MGAT4C: variants seen among roughly 807,000 people sequenced by gnomAD.
The protein encoded by MGAT4C is MGAT4 family member C, also known as alpha-1,3-mannosyl-glycoprotein 4-beta-N-acetylglucosaminyltransferase C.
A neutral mutation model predicts 40.1 loss-of-function variants in MGAT4C; 19 were observed. The observed-to-expected ratio is 0.47, with a 90% CI of 0.33 to 0.70. MGAT4C has a LOEUF of 0.70. MGAT4C is among the 30% of genes least tolerant of loss of function. The pLI, the probability that MGAT4C is intolerant of heterozygous loss-of-function variation, is 0.02. For missense variants in MGAT4C, 491 were observed against 563.2 expected, an observed-to-expected ratio of 0.87 and a Z score of 1.30; for synonymous variants, 181 against 187.1, an observed-to-expected ratio of 0.97 and a Z score of 0.27.
intron 1 of MGAT4C, among the ~76,000 whole-genome samples, chr12:86,079,874 CA>C (rs2135539534): frequency 6.6e-6 from 1 of 152,178 alleles, no homozygotes; most frequent in East Asian, 1.9e-4. Context: ...AGCAAATTTA[CA>C]GCTCTTAACT....
chr12:86,465,215 C>T (rs1957662420), intron 2 of MGAT4C, among the ~76,000 whole-genome samples: 1 of 151,960 alleles, frequency 6.6e-6, no homozygotes, highest in Admixed American at 6.6e-5. Flanking sequence ...ATACCCTTCA[C>T]AAAATTAATA....
intron 2 of MGAT4C, among the ~76,000 whole-genome samples, chr12:86,625,584 G>T (rs1444126337): frequency 6.6e-6 from 1 of 152,010 alleles, no homozygotes; most frequent in African/African-American, 2.4e-5. Flanking sequence ...ATAAGAAAAT[G>T]AATAAAGAGA....
At chr12:86,044,234 G>T (rs1203008946) in intron 2 of MGAT4C, among the ~76,000 whole-genome samples, 1 of 152,202 alleles carries the variant, frequency 6.6e-6, no homozygotes, top group Non-Finnish European at 1.5e-5. Flanking sequence ...TCAAGGTTAG[G>T]AATCTGTGGT....
At chr12:86,383,937 T>A (rs1167009752) in intron 3 of MGAT4C, among the ~76,000 whole-genome samples, 2 of 152,152 alleles carry the variant, frequency 1.3e-5, no homozygotes, top group African/African-American at 4.8e-5. Context: ...TATCTTGAAT[T>A]CCCATGTGTT....
chr12:86,720,795 C>T (rs915458085), intron 2 of MGAT4C, among the ~76,000 whole-genome samples: 46 of 152,134 alleles, frequency 3.0e-4, no homozygotes, highest in Admixed American at 2.0e-3. Flanking sequence ...TGGATTTAGT[C>T]ATTATAAAGT....
chr12:86,309,032 T>C (rs918570341), intron 4 of MGAT4C, among the ~76,000 whole-genome samples: 1 of 150,544 alleles, frequency 6.6e-6, no homozygotes, highest in Non-Finnish European at 1.5e-5. Context: ...TTAATACCCA[T>C]TCTGCTTCCA....
intron 2 of MGAT4C, among the ~76,000 whole-genome samples, chr12:86,699,368 A>G (rs916407114): frequency 6.6e-6 from 1 of 152,214 alleles, no homozygotes; most frequent in Admixed American, 6.5e-5. Flanking sequence ...AGAAGAAAAA[A>G]TATACGTATT....
At chr12:86,011,389 G>A (rs1888449826) in intron 2 of MGAT4C, among the ~76,000 whole-genome samples, 1 of 152,134 alleles carries the variant, frequency 6.6e-6, no homozygotes. Context: ...CAAAGACAGA[G>A]AATATAAAAA....
intron 1 of MGAT4C, among the ~76,000 whole-genome samples, chr12:86,743,142 G>GTGTC (rs1555224682): frequency 2.7e-5 from 4 of 150,830 alleles, no homozygotes; most frequent in Non-Finnish European, 5.9e-5. Context: ...GTGTGTGTGT[G>GTGTC]TGTGTATAGA....
chr12:86,123,617 T>C (rs1220299527), intron 1 of MGAT4C, among the ~76,000 whole-genome samples: 1 of 152,110 alleles, frequency 6.6e-6, no homozygotes, highest in African/African-American at 2.4e-5. Flanking sequence ...TTTTAAGACA[T>C]TTCATGAATT....
At chr12:86,369,916 T>C (rs1427712099) in intron 3 of MGAT4C, among the ~76,000 whole-genome samples, 3 of 152,016 alleles carry the variant, frequency 2.0e-5, no homozygotes, top group Admixed American at 2.0e-4. Context: ...GCTGACTAGA[T>C]TGTGATTAGG....
chr12:86,365,784 C>G lies in MGAT4C; in HGVS notation c.-119-31657G>C, dbSNP rs12304286. 8.1e-3 allele frequency among the ~76,000 whole-genome samples: 1,224 copies of G among 151,824 alleles called. 23 individuals are homozygous for G. The highest frequency in any genetic ancestry group is 0.028 in the African/African-American group (1,174 of 41,402). On this transcript the variant is annotated intron_variant, in intron 3 of 7. Transcript: ENST00000548651. Reference sequence around the variant, plus strand: ...ATTGGTCTTGTTTCTGTTTTTGCACCAGTACCACACTGTTTTGGTTACTGT... The same window carrying G: ...ATTGGTCTTGTTTCTGTTTTTGCACGAGTACCACACTGTTTTGGTTACTGT...
intron 1 of MGAT4C, among the ~76,000 whole-genome samples, chr12:86,196,627 G>A (rs1949817743): frequency 6.6e-6 from 1 of 152,198 alleles, no homozygotes; most frequent in South Asian, 2.1e-4. Flanking sequence ...GTTCTGCAGA[G>A]TCCCAGAAGT....
In MGAT4C at chr12:85,970,608, G is replaced by A. The variant is rs536268564; in HGVS notation, c.*8681C>T. On this transcript the variant is annotated 3_prime_UTR_variant, in exon 5 of 5. Transcript: ENST00000611864. ...CATTTCAATAAATTATTTGTCCTGA[G>A]CATACTGTAAGAAATTTAGTAAAGT... is the stretch of plus-strand genomic sequence containing the variant. The A allele has an allele frequency of 2.7e-4, 41 of 151,220 alleles. No individual in the cohort carries two copies. Among genetic ancestry groups the A allele is most frequent in the Non-Finnish European group, 5.2e-4 (35 of 67,386 alleles). 9.4% of individuals were successfully genotyped at this position (151,220 alleles called of 1,614,324 possible).
At chr12:86,449,650 A>G (rs1957391913) in intron 2 of MGAT4C, among the ~76,000 whole-genome samples, 1 of 152,150 alleles carries the variant, frequency 6.6e-6, no homozygotes, top group African/African-American at 2.4e-5. Context: ...CTGTTTTTGA[A>G]ATTTTTATAG....
intron 1 of MGAT4C, among the ~76,000 whole-genome samples, chr12:86,084,839 A>G (rs1352760836): frequency 6.6e-6 from 1 of 152,012 alleles, no homozygotes; most frequent in Non-Finnish European, 1.5e-5. Flanking sequence ...GTTTGGAATG[A>G]AAAGTTAGTA....
At chr12:86,396,006 G>A (rs1009565134) in intron 3 of MGAT4C, among the ~76,000 whole-genome samples, 17 of 152,058 alleles carry the variant, frequency 1.1e-4, no homozygotes, top group Admixed American at 6.6e-4. Context: ...CGATTTAAAT[G>A]TGCAGTAAAT....
intron 3 of MGAT4C, among the ~76,000 whole-genome samples, chr12:86,344,717 G>GT (rs1954982227): frequency 7.2e-6 from 1 of 139,414 alleles, no homozygotes; most frequent in Non-Finnish European, 1.6e-5. Context: ...ATCTCTTCTC[G>GT]GTGTGTGTGT....
chr12:86,070,438 A>G (rs1894975547), intron 1 of MGAT4C, among the ~76,000 whole-genome samples: 1 of 152,084 alleles, frequency 6.6e-6, no homozygotes, highest in African/African-American at 2.4e-5. Flanking sequence ...GAATGAATCA[A>G]CAGGGAGGTA....
Sources: allele counts gnomAD v4.1 joint callset (sites outside exome capture counted in the v4.1 genomes callset), GRCh38; gene constraint gnomAD v4.1.1; transcripts MANE v1.5; gene names NCBI Gene and HGNC (gene_info 2026-07-23, HGNC 2026-07-21).